Variants in ELAPOR1 observed in about 807,000 individuals in gnomAD.
ELAPOR1 encodes endosome/lysosome-associated apoptosis and autophagy regulator 1.
A neutral mutation model predicts 119.7 loss-of-function variants in ELAPOR1; 77 were observed. The ratio of observed to expected loss-of-function variants is 0.64; its 90% CI spans 0.54 to 0.78. The LOEUF (loss-of-function observed/expected upper bound fraction) is 0.78. Among genes scored for constraint, ELAPOR1 ranks in the 30% least tolerant of loss-of-function variants. The pLI is 0.00. For missense variants in ELAPOR1, 1,115 were observed against 1,270.4 expected, an observed-to-expected ratio of 0.88 and a Z score of 1.86; for synonymous variants, 481 against 487.2, an observed-to-expected ratio of 0.99 and a Z score of 0.17.
rs145159567 is a variant in ELAPOR1, at chr1:109,159,887, C to T, written c.154-2007C>T. Among the ~76,000 whole-genome samples the T allele has an allele frequency of 2.1e-3, 327 of 152,296 alleles. 1 individual carries two copies. Among genetic ancestry groups the T allele is most frequent in the African/African-American group, 5.7e-3 (238 of 41,550 alleles). On this transcript the variant is annotated intron_variant, in intron 1 of 21. Coordinates refer to ENST00000369939, the MANE Select transcript of ELAPOR1 (RefSeq NM_020775.5). Reference sequence around the variant, plus strand: ...TTTCTGCCTTGCTCACTCAATTCTCCATTTAATTTATACACAGTGGATTTT... The same window carrying T: ...TTTCTGCCTTGCTCACTCAATTCTCTATTTAATTTATACACAGTGGATTTT...
At position 109,164,400 on chromosome 1, in the gene ELAPOR1, C is replaced by T. The variant is rs114478762; in HGVS notation, c.275-99C>T. On this transcript the variant is annotated intron_variant, in intron 2 of 21. Coordinates refer to ENST00000369939, the MANE Select transcript of ELAPOR1 (RefSeq NM_020775.5). ...AATCTTAGTGGGCCAAACTCCTAGA[C>T]CCCAACCCAGCGCTCCTCCCTTCAG... 1,634 of 1,015,968 alleles carry T rather than the reference C, an allele frequency of 1.6e-3. 21 individuals are homozygous for T. In the African/African-American group the frequency reaches 0.023, roughly 14 times the overall value. 62.9% of individuals were successfully genotyped at this position (1,015,968 alleles called of 1,614,324 possible).
rs1481196055 is a variant in ELAPOR1, at chr1:109,203,022, C to T, written c.*10C>T. 1 of 1,568,068 alleles carries T rather than the reference C, an allele frequency of 6.4e-7. No homozygotes were observed. Among genetic ancestry groups the T allele is most frequent in the South Asian group, 1.1e-5 (1 of 89,380 alleles). ...AGACATGGACCTGTGAGAGGCACTG[C>T]CTGCCTCACCTGCCTCCTCACCTTG... On this transcript the variant is annotated 3_prime_UTR_variant, in exon 22 of 22. Coordinates refer to ENST00000369939, the MANE Select transcript of ELAPOR1 (RefSeq NM_020775.5).
chr1:109,201,234 C>T (rs1397050587), intron 21 of ELAPOR1: 41 of 451,212 alleles, frequency 9.1e-5, no homozygotes, highest in Admixed American at 4.0e-4. Flanking sequence ...TTTATTTTCA[C>T]TGAAAAGGGA....
intron 15 of ELAPOR1, 43 bp from the exon 16 acceptor site, chr1:109,197,431 C>T (rs367861921): frequency 6.4e-7 from 1 of 1,569,712 alleles, no homozygotes; most frequent in Non-Finnish European, 8.7e-7. Context: ...TCCTCTGTGA[C>T]CACTCACTTC....
At chr1:109,148,749 T>G (rs551888116) in intron 1 of ELAPOR1, among the ~76,000 whole-genome samples, 12 of 152,242 alleles carry the variant, frequency 7.9e-5, no homozygotes, top group Non-Finnish European at 1.5e-4. Context: ...CTGACATGTA[T>G]GATTAAAAGC....
intron 1 of ELAPOR1, among the ~76,000 whole-genome samples, chr1:109,156,321 G>A (rs976426231): frequency 1.3e-5 from 2 of 151,938 alleles, no homozygotes; most frequent in Non-Finnish European, 2.9e-5. Flanking sequence ...AAATAAAATT[G>A]TGGTAAAATA....
intron 1 of ELAPOR1, among the ~76,000 whole-genome samples, chr1:109,137,190 T>C (rs988086369): frequency 6.6e-6 from 1 of 152,182 alleles, no homozygotes; most frequent in African/African-American, 2.4e-5. Flanking sequence ...TGATAATTTT[T>C]TAAAATATTT....
chr1:109,181,135 T>C (rs1436306518), intron 7 of ELAPOR1, among the ~76,000 whole-genome samples: 2 of 152,158 alleles, frequency 1.3e-5, no homozygotes, highest in Non-Finnish European at 2.9e-5. Context: ...ACTGAGGAGC[T>C]TCACAAAAGC....
At chr1:109,184,094 G>A (rs531452498) in intron 7 of ELAPOR1, among the ~76,000 whole-genome samples, 9 of 152,172 alleles carry the variant, frequency 5.9e-5, no homozygotes, top group South Asian at 2.1e-4. Context: ...TAAAGAGGCC[G>A]GGCACGGTGG....
rs1344180618 is a variant in ELAPOR1, at chr1:109,176,596, C to CT, written c.952+2768dup. 9.4e-5 allele frequency among the ~76,000 whole-genome samples: 13 copies of CT among 137,860 alleles called. 1 individual carries two copies. Among genetic ancestry groups the CT allele is most frequent in the East Asian group, 6.5e-4 (3 of 4,642 alleles). 90.4% of individuals were successfully genotyped at this position (137,860 alleles called of 152,430 possible). On this transcript the variant is annotated intron_variant, in intron 7 of 21. Transcript: ENST00000369939. ...GATCTTGCCAAATGAGTGCAGTTTT[C>CT]TTTTTTTTTCTTTTTTTTTTTTTTT...
chr1:109,187,116 C>T (rs1570710366), intron 8 of ELAPOR1: 3 of 985,502 alleles, frequency 3.0e-6, no homozygotes, highest in African/African-American at 1.7e-5. Context: ...GGACACACCT[C>T]GAGCTGGCTC....
At chr1:109,168,130 G>A (rs1651705028) in intron 3 of ELAPOR1, among the ~76,000 whole-genome samples, 1 of 152,010 alleles carries the variant, frequency 6.6e-6, no homozygotes, top group South Asian at 2.1e-4. Flanking sequence ...CCCCTCCTCA[G>A]GGCATTTGAA....
chr1:109,124,696 A>G lies in ELAPOR1; in HGVS notation c.153+10360A>G, dbSNP rs536670461. Among the ~76,000 whole-genome samples, 5 of 152,278 alleles carry G rather than the reference A, an allele frequency of 3.3e-5. No individual in the cohort carries two copies. The South Asian group carries it at 1.0e-3, about 32-fold the overall frequency. On this transcript the variant is annotated intron_variant, in intron 1 of 21. Transcript: ENST00000369939. ...CTTCTCATTAACCTTGCACACCGTC[A>G]CCTTTTCTCACATCCTTGGCAATGC...
chr1:109,173,942 G>C lies in ELAPOR1; in HGVS notation c.952+105G>C, dbSNP rs1047402686. The C allele has an allele frequency of 1.3e-5, 17 of 1,259,366 alleles. No individual in the cohort carries two copies. In the African/African-American group the frequency reaches 2.1e-4, roughly 15 times the overall value. 78.0% of individuals were successfully genotyped at this position (1,259,366 alleles called of 1,614,324 possible). ...CATCCTTCTGGCCAAGCTGAGGATGGTAATTCTTAAACCCTTCCTTTCTGG... is the reference window on the plus strand; with the variant it reads ...CATCCTTCTGGCCAAGCTGAGGATGCTAATTCTTAAACCCTTCCTTTCTGG... On this transcript the variant is annotated intron_variant, in intron 7 of 21. Transcript: ENST00000369939.
chr1:109,163,350 G>A (rs1378380454), intron 2 of ELAPOR1, among the ~76,000 whole-genome samples: 1 of 152,148 alleles, frequency 6.6e-6, no homozygotes, highest in Non-Finnish European at 1.5e-5. Context: ...AAAAGGGAGT[G>A]CCTGTTTATT....
intron 1 of ELAPOR1, among the ~76,000 whole-genome samples, chr1:109,117,701 A>G (rs1340685143): frequency 3.3e-5 from 5 of 152,250 alleles, no homozygotes; most frequent in African/African-American, 7.2e-5. Flanking sequence ...TTGATATATC[A>G]TAGGTACTTA....
At chr1:109,132,142 C>A (rs1649186600) in intron 1 of ELAPOR1, among the ~76,000 whole-genome samples, 1 of 151,974 alleles carries the variant, frequency 6.6e-6, no homozygotes, top group South Asian at 2.1e-4. Context: ...AAATTTATTG[C>A]AGACCAACCA....
intron 1 of ELAPOR1, among the ~76,000 whole-genome samples, 199 bp downstream of exon 1, chr1:109,114,535 A>G (rs1005221557): frequency 4.6e-5 from 7 of 152,154 alleles, no homozygotes; most frequent in Admixed American, 3.9e-4. Context: ...CGGATAGATC[A>G]TCCTCACAGA....
chr1:109,188,122 C>T, intron 8 of ELAPOR1, 55 bp from the exon 9 acceptor site: 3 of 1,550,752 alleles, frequency 1.9e-6, no homozygotes, highest in Non-Finnish European at 2.6e-6. Context: ...AGGTAGAGTC[C>T]CAAAGATGTC....
Sources: allele counts gnomAD v4.1 joint callset (sites outside exome capture counted in the v4.1 genomes callset), GRCh38; gene constraint gnomAD v4.1.1; transcripts MANE v1.5; gene names NCBI Gene and HGNC (gene_info 2026-07-23, HGNC 2026-07-21).